Variants in PATJ observed in about 807,000 individuals in gnomAD.
PATJ encodes the protein inaD-like protein.
PATJ carries 190 observed loss-of-function variants against 224.9 expected under a neutral mutation model. The observed-to-expected ratio is 0.84, with a 90% CI of 0.75 to 0.95. PATJ has a LOEUF of 0.95. Ranked by LOEUF, PATJ falls within the 40% of genes least tolerant of loss-of-function variation. PATJ has a pLI of 0.00. For synonymous variants in PATJ, 769 were observed against 820.3 expected (o/e 0.94, Z 1.07); for missense variants, 2,121 against 2,270.3 (o/e 0.93, Z 1.34).
intron 28 of PATJ, among the ~76,000 whole-genome samples, chr1:62,012,660 A>C (rs1408749636): frequency 2.0e-5 from 3 of 152,184 alleles, no homozygotes; most frequent in Non-Finnish European, 2.9e-5. Context: ...GTGATGAAAA[A>C]ATATGAAAAC....
At chr1:61,772,898 G>A (rs1183106189) in intron 6 of PATJ, among the ~76,000 whole-genome samples, 1 of 152,188 alleles carries the variant, frequency 6.6e-6, no homozygotes, top group East Asian at 1.9e-4. Flanking sequence ...CACTGTGCCT[G>A]GTGCTGCATA....
At chr1:61,768,873 C>T (rs913202964) in intron 4 of PATJ, among the ~76,000 whole-genome samples, 3 of 151,948 alleles carry the variant, frequency 2.0e-5, no homozygotes, top group Admixed American at 2.0e-4. Context: ...GCACTCTACC[C>T]TGGGCAACAG....
At chr1:62,006,917 G>T (rs1265045843) in intron 28 of PATJ, among the ~76,000 whole-genome samples, 2 of 152,138 alleles carry the variant, frequency 1.3e-5, no homozygotes, top group Non-Finnish European at 2.9e-5. Flanking sequence ...AGGCTATGTG[G>T]TATAAGGCTA....
intron 11 of PATJ, 45 bp downstream of exon 11, chr1:61,797,473 G>A (rs766168103): frequency 3.9e-6 from 6 of 1,533,362 alleles, no homozygotes; most frequent in Non-Finnish European, 4.5e-6. Flanking sequence ...GTTTACATTT[G>A]GAAGAGCAGT....
In PATJ at chr1:62,144,777, A is replaced by AAAATATATATAT. The variant is rs377489788; in HGVS notation, c.5272-3506_5272-3505insAATATATATATA. On this transcript the variant is annotated intron_variant, in intron 41 of 43. Coordinates refer to ENST00000642238, the MANE Select transcript of PATJ (RefSeq NM_001350145.3). ...TAGAATGTTATTTGCAAAAAAAAAA[A>AAAATATATATAT]ATATATATATATATATATAATTAGC... Among the ~76,000 whole-genome samples, 50 of 119,100 alleles carry AAAATATATATAT rather than the reference A, an allele frequency of 4.2e-4. 1 individual carries two copies. The East Asian group carries it at 8.8e-3, about 21-fold the overall frequency. 78.1% of individuals were successfully genotyped at this position (119,100 alleles called of 152,430 possible).
rs78341246 is a variant in PATJ at position 61,808,386 on chromosome 1, A to G, written c.1627-88A>G. The G allele has an allele frequency of 3.9e-4, 297 of 769,778 alleles. 1 individual carries two copies. The African/African-American group carries it at 4.5e-3, about 12-fold the overall frequency. 47.7% of individuals were successfully genotyped at this position (769,778 alleles called of 1,614,324 possible). Reference sequence around the variant, plus strand: ...ATGTAGGTCAAATAGAGTTATCAATATATAGGTTTTACAGATATTTTCAGA... The same window carrying G: ...ATGTAGGTCAAATAGAGTTATCAATGTATAGGTTTTACAGATATTTTCAGA... On this transcript the variant is annotated intron_variant, in intron 13 of 43. Transcript: ENST00000642238.
intron 17 of PATJ, among the ~76,000 whole-genome samples, chr1:61,838,524 T>TA (rs1179221355): frequency 6.8e-6 from 1 of 146,112 alleles, no homozygotes; most frequent in Non-Finnish European, 1.5e-5. Context: ...CTGGCTAATT[T>TA]TTTTTTTTTT....
chr1:61,914,321 T>TG (rs1360602146), intron 25 of PATJ, among the ~76,000 whole-genome samples: 2 of 152,110 alleles, frequency 1.3e-5, no homozygotes, highest in Non-Finnish European at 2.9e-5. Flanking sequence ...CTGGGTGTGG[T>TG]GGCAGGCGCC....
At chr1:61,821,146 G>A (rs769313441) in intron 14 of PATJ, among the ~76,000 whole-genome samples, 9 of 151,384 alleles carry the variant, frequency 5.9e-5, no homozygotes, top group Non-Finnish European at 1.0e-4. Flanking sequence ...GTTTACTTAT[G>A]CCATTCTCCT....
chr1:61,788,807 T>C (rs566067199), intron 8 of PATJ, among the ~76,000 whole-genome samples: 35 of 152,220 alleles, frequency 2.3e-4, no homozygotes, highest in African/African-American at 7.9e-4. Context: ...CCTGAGTAGC[T>C]GGGATTACAG....
At position 62,144,771 on chromosome 1, in the gene PATJ, A is replaced by ATATAT. The variant is rs1439255158; in HGVS notation, c.5272-3513_5272-3512insTATAT. Among the ~76,000 whole-genome samples, 37 of 73,286 alleles carry ATATAT rather than the reference A, an allele frequency of 5.0e-4. 1 individual carries two copies. In the East Asian group the frequency reaches 7.1e-3, roughly 14 times the overall value. 48.1% of individuals were successfully genotyped at this position (73,286 alleles called of 152,430 possible). On this transcript the variant is annotated intron_variant, in intron 41 of 43. Transcript: ENST00000642238. ...ATGCTCTAGAATGTTATTTGCAAAA[A>ATATAT]AAAAAAATATATATATATATATATA...
intron 36 of PATJ, 47 bp downstream of exon 36, chr1:62,116,726 A>G: frequency 1.3e-6 from 2 of 1,565,208 alleles, no homozygotes; most frequent in South Asian, 2.3e-5. Flanking sequence ...ACTGAAGTCC[A>G]GTGGGAACTG....
At chr1:62,124,534 T>G (rs2094828) in intron 39 of PATJ, among the ~76,000 whole-genome samples, 294 of 152,354 alleles carry the variant, frequency 1.9e-3, no homozygotes, top group African/African-American at 6.9e-3. Context: ...TTTGAAGGCA[T>G]TCTACCATTT....
chr1:62,016,529 G>A (rs1646777625), intron 28 of PATJ, among the ~76,000 whole-genome samples: 2 of 152,146 alleles, frequency 1.3e-5, no homozygotes, highest in African/African-American at 4.8e-5. Flanking sequence ...TAAAGAGATA[G>A]AAGGAAAAAG....
intron 28 of PATJ, among the ~76,000 whole-genome samples, chr1:62,013,144 C>A (rs1394032866): frequency 6.6e-6 from 1 of 152,208 alleles, no homozygotes; most frequent in South Asian, 2.1e-4. Flanking sequence ...TTTCCTCTTA[C>A]GTAAATTAAA....
rs1398416582 is a variant in PATJ, at chr1:61,914,579, C to A, written c.3493-8C>A. 2.9e-6 allele frequency: 4 copies of A among 1,398,652 alleles called. No individual in the cohort carries two copies. Among genetic ancestry groups the A allele is most frequent in the South Asian group, 1.3e-5 (1 of 76,394 alleles). The allele number at this position is 1,398,652 out of a possible 1,614,324, so 86.6% of individuals were successfully genotyped here. A position where few individuals can be genotyped will look rare whatever the true frequency, so the allele number is the denominator to read the frequency against. ...TTCTTCCCCCCACCCCTTTTTTTGT[C>A]ACCATAGGTCATTCCTAACGTACAT... On this transcript the variant is annotated splice_polypyrimidine_tract_variant and splice_region_variant and intron_variant, in intron 25 of 43. Transcript: ENST00000642238.
intron 42 of PATJ, among the ~76,000 whole-genome samples, chr1:62,150,927 G>A (rs7514002): frequency 0.31 from 46,859 of 152,056 alleles, 8,843 homozygotes; most frequent in Non-Finnish European, 0.44. Flanking sequence ...CAGATCGCCT[G>A]AGGTCAGGAG....
At chr1:61,993,127 T>C (rs1243340160) in intron 28 of PATJ, among the ~76,000 whole-genome samples, 1 of 152,224 alleles carries the variant, frequency 6.6e-6, no homozygotes, top group Non-Finnish European at 1.5e-5. Flanking sequence ...GGTTATGACC[T>C]GAACTTCTGA....
intron 27 of PATJ, among the ~76,000 whole-genome samples, chr1:61,983,109 G>A (rs1569599009): frequency 6.6e-6 from 1 of 152,000 alleles, no homozygotes; most frequent in East Asian, 1.9e-4. Flanking sequence ...AGTTCCTTTT[G>A]CCTGAATTAA....
Sources: allele counts gnomAD v4.1 joint callset (sites outside exome capture counted in the v4.1 genomes callset), GRCh38; gene constraint gnomAD v4.1.1; transcripts MANE v1.5; gene names NCBI Gene and HGNC (gene_info 2026-07-23, HGNC 2026-07-21).